The following CNTNAP5 variants were observed in gnomAD, a reference collection of about 807,000 sequenced individuals.
CNTNAP5 encodes contactin associated protein family member 5, also known as contactin-associated protein-like 5.
In CNTNAP5, 72 loss-of-function variants were observed where a neutral mutation model predicts 150.2. The ratio of observed to expected loss-of-function variants is 0.48; its 90% confidence interval spans 0.40 to 0.58. The LOEUF (loss-of-function observed/expected upper bound fraction) is 0.58, where lower values mean the gene tolerates loss of function less well. CNTNAP5 is among the 20% of genes least tolerant of loss of function. The pLI is 0.00. For synonymous variants in CNTNAP5, 672 were observed against 619.8 expected, an observed-to-expected ratio of 1.08 and a Z score of -1.25; for missense variants, 1,636 against 1,626.2, an observed-to-expected ratio of 1.01 and a Z score of -0.10.
intron 19 of CNTNAP5, among the ~76,000 whole-genome samples, chr2:124,826,248 T>C (rs1682590263): frequency 6.6e-6 from 1 of 152,238 alleles, no homozygotes; most frequent in African/African-American, 2.4e-5. Context: ...TTTGTCTTGC[T>C]GTTTTAATTC....
intron 22 of CNTNAP5, among the ~76,000 whole-genome samples, chr2:124,909,536 G>A (rs1275936561): frequency 6.6e-6 from 1 of 151,958 alleles, no homozygotes; most frequent in Non-Finnish European, 1.5e-5. Context: ...TAAGTAGGTG[G>A]AGTAGCACAG....
At chr2:124,490,037 C>G (rs1198205654) in intron 7 of CNTNAP5, among the ~76,000 whole-genome samples, 1 of 152,090 alleles carries the variant, frequency 6.6e-6, no homozygotes, top group African/African-American at 2.4e-5. Context: ...GAGGAACAGG[C>G]AGAGTGCAGT....
chr2:124,801,459 G>A (rs1030139241), intron 19 of CNTNAP5, among the ~76,000 whole-genome samples: 2 of 152,172 alleles, frequency 1.3e-5, no homozygotes, highest in Non-Finnish European at 2.9e-5. Context: ...ACCTTGAGTG[G>A]TAGTGAATTC....
intron 1 of CNTNAP5, among the ~76,000 whole-genome samples, chr2:124,046,169 G>A (rs553806329): frequency 5.9e-5 from 9 of 152,260 alleles, no homozygotes; most frequent in African/African-American, 2.2e-4. Context: ...GACGGAGTGA[G>A]TGTGAGCTCT....
chr2:124,316,459 A>C (rs1688961378), intron 3 of CNTNAP5, among the ~76,000 whole-genome samples: 1 of 152,200 alleles, frequency 6.6e-6, no homozygotes, highest in Non-Finnish European at 1.5e-5. Context: ...GTTATGTATT[A>C]TACAAAATGT....
rs147423376 is a variant in CNTNAP5, at chr2:124,451,655, C to A, written c.918+4718C>A. 1.4e-3 allele frequency among the ~76,000 whole-genome samples: 217 copies of A among 152,126 alleles called. 2 individuals are homozygous for A. The highest frequency in any genetic ancestry group is 5.0e-3 in the African/African-American group (207 of 41,468). ...TAGGAAAGCCCGGAGGACACACAGA[C>A]CCTCCAAAAGAAGCAGATTGCTTCT... On this transcript the variant is annotated intron_variant, in intron 6 of 23. Transcript: ENST00000682447.
intron 3 of CNTNAP5, among the ~76,000 whole-genome samples, chr2:124,311,464 A>G (rs1394887535): frequency 6.6e-6 from 1 of 152,036 alleles, no homozygotes; most frequent in South Asian, 2.1e-4. Context: ...TGTGGGGAGA[A>G]AGCGAGAAAG....
At chr2:124,075,405 C>A (rs1221160702) in intron 1 of CNTNAP5, among the ~76,000 whole-genome samples, 1 of 152,068 alleles carries the variant, frequency 6.6e-6, no homozygotes, top group Non-Finnish European at 1.5e-5. Context: ...ATCAGTAAGT[C>A]TGGGACATTT....
At chr2:124,206,163 G>A (rs1416623696) in intron 1 of CNTNAP5, among the ~76,000 whole-genome samples, 1 of 152,116 alleles carries the variant, frequency 6.6e-6, no homozygotes, top group Non-Finnish European at 1.5e-5. Flanking sequence ...AATGCCAATG[G>A]GCCTTGGGCA....
At chr2:124,585,717 A>G (rs1337771299) in intron 11 of CNTNAP5, among the ~76,000 whole-genome samples, 1 of 117,458 alleles carries the variant, frequency 8.5e-6, no homozygotes, top group Non-Finnish European at 1.6e-5. Context: ...GAAGAGTAGT[A>G]CTTGGGGTAT....
intron 5 of CNTNAP5, among the ~76,000 whole-genome samples, chr2:124,439,581 T>G (rs1692624861): frequency 6.6e-6 from 1 of 152,144 alleles, no homozygotes; most frequent in African/African-American, 2.4e-5. Context: ...AATCTAGAAA[T>G]TTCTTAACAG....
intron 1 of CNTNAP5, among the ~76,000 whole-genome samples, chr2:124,049,985 T>C (rs1457622640): frequency 6.6e-6 from 1 of 152,128 alleles, no homozygotes; most frequent in East Asian, 1.9e-4. Context: ...GGCTCTGCCC[T>C]CATGATCTAA....
At chr2:124,428,344 C>G (rs1014491213) in intron 4 of CNTNAP5, among the ~76,000 whole-genome samples, 5 of 152,204 alleles carry the variant, frequency 3.3e-5, no homozygotes, top group Non-Finnish European at 7.3e-5. Context: ...TGTAGAATTG[C>G]GTGCTTGCTC....
At chr2:124,541,819 A>G (rs1189706955) in intron 10 of CNTNAP5, among the ~76,000 whole-genome samples, 1 of 152,130 alleles carries the variant, frequency 6.6e-6, no homozygotes, top group Non-Finnish European at 1.5e-5. Context: ...CTTCTGATCT[A>G]CATTTTGCAC....
At chr2:124,547,924 T>C (rs1358211708) in intron 10 of CNTNAP5, among the ~76,000 whole-genome samples, 1 of 152,188 alleles carries the variant, frequency 6.6e-6, no homozygotes, top group African/African-American at 2.4e-5. Flanking sequence ...GCTGTGTCTC[T>C]TCCTGCTGTT....
chr2:124,484,905 T>A (rs975323317), intron 7 of CNTNAP5, among the ~76,000 whole-genome samples: 2 of 152,222 alleles, frequency 1.3e-5, no homozygotes, highest in South Asian at 4.1e-4. Context: ...AACATTTATA[T>A]GTAAAATAAA....
intron 1 of CNTNAP5, among the ~76,000 whole-genome samples, chr2:124,209,764 A>G (rs970393341): frequency 1.3e-5 from 2 of 152,140 alleles, no homozygotes; most frequent in Non-Finnish European, 2.9e-5. Context: ...AACACCTGTC[A>G]CCGAGCTGGT....
intron 3 of CNTNAP5, among the ~76,000 whole-genome samples, chr2:124,278,069 T>C (rs1369675089): frequency 6.6e-6 from 1 of 152,064 alleles, no homozygotes; most frequent in Non-Finnish European, 1.5e-5. Flanking sequence ...TTAAAAACGC[T>C]GAAAGAAATT....
chr2:124,359,051 G>T (rs1690113358), intron 3 of CNTNAP5, among the ~76,000 whole-genome samples: 1 of 151,202 alleles, frequency 6.6e-6, no homozygotes, highest in East Asian at 1.9e-4. Context: ...ATGTGTCCAG[G>T]AATTTATCCA....
Sources: allele counts gnomAD v4.1 joint callset (sites outside exome capture counted in the v4.1 genomes callset), GRCh38; gene constraint gnomAD v4.1.1; transcripts MANE v1.5; gene names NCBI Gene and HGNC (gene_info 2026-07-23, HGNC 2026-07-21).